COL6A6: variants seen among roughly 807,000 people sequenced by gnomAD.
COL6A6 encodes collagen type VI alpha 6 chain.
Under a neutral mutation model 208.6 loss-of-function variants are expected in COL6A6, and 183 were observed. The observed-to-expected ratio is 0.88, with a 90% CI of 0.78 to 0.99. COL6A6 has a LOEUF of 0.99. Among genes scored for constraint, COL6A6 ranks in the 50% least tolerant of loss-of-function variants. The pLI is 0.00. For missense variants in COL6A6, 2,816 were observed against 2,815.2 expected, an observed-to-expected ratio of 1.00 and a Z score of -0.01; for synonymous variants, 973 against 1,011.8, an observed-to-expected ratio of 0.96 and a Z score of 0.73.
intron 10 of COL6A6, among the ~76,000 whole-genome samples, chr3:130,582,974 GCTGCAACA>G (rs1045974859): frequency 3.3e-5 from 5 of 152,274 alleles, no homozygotes; most frequent in African/African-American, 1.2e-4. Context: ...CTAGACTCCA[GCTGCAACA>G]CTGTCTTCTT....
chr3:130,566,992 C>T lies in COL6A6; in HGVS notation c.1573C>T (p.Leu525=), dbSNP rs1281822935. 3.1e-6 allele frequency: 5 copies of T among 1,614,056 alleles called. No individual in the cohort carries two copies. The highest frequency in any genetic ancestry group is 4.2e-6 in the Non-Finnish European group (5 of 1,179,898). The change falls in exon 5 of 37, where the codon CTG becomes TTG. Residue 525 remains leucine (L), a synonymous_variant. Coordinates refer to ENST00000358511, the MANE Select transcript of COL6A6 (RefSeq NM_001102608.3). The part of the protein sequence containing the change: ...TGAALNFTLS[L]LQKAKKQRGN... ...CGCAGCACTGAATTTCACACTGAGT[C>T]TGTTGCAAAAAGCAAAGAAGCAGCG...
intron 1 of COL6A6, among the ~76,000 whole-genome samples, chr3:130,535,962 GA>G (rs994450574): frequency 6.6e-6 from 1 of 152,162 alleles, no homozygotes; most frequent in African/African-American, 2.4e-5. Context: ...GGAAAGTGGA[GA>G]AAATAATAGA....
intron 1 of COL6A6, among the ~76,000 whole-genome samples, chr3:130,541,586 A>G (rs1193109760): frequency 6.6e-6 from 1 of 152,200 alleles, no homozygotes; most frequent in African/African-American, 2.4e-5. Flanking sequence ...ATCAGAGTTC[A>G]TATTGTTCAA....
In COL6A6 at chr3:130,549,422, T is replaced by C. The variant is rs183341589; in HGVS notation, c.-31-10912T>C. On this transcript the variant is annotated intron_variant, in intron 1 of 36. Coordinates refer to ENST00000358511, the MANE Select transcript of COL6A6 (RefSeq NM_001102608.3). ...GGTCTCATTTGTCAATTTTTGGTTT[T>C]GTTGCAATTGCTTTTCATGTCTTTG... Among the ~76,000 whole-genome samples, 421 of 152,354 alleles carry C rather than the reference T, an allele frequency of 2.8e-3. 2 individuals carry two copies. The highest frequency in any genetic ancestry group is 4.1e-3 in the Non-Finnish European group (276 of 68,030).
intron 32 of COL6A6, 49 bp downstream of exon 32, chr3:130,645,051 A>G (rs1442471727): frequency 6.4e-7 from 1 of 1,569,938 alleles, no homozygotes; most frequent in East Asian, 2.2e-5. Context: ...CTAAAATGTC[A>G]TACATCTGGA....
chr3:130,563,758 C>A, intron 3 of COL6A6, 94 bp downstream of exon 3: 1 of 810,798 alleles, frequency 1.2e-6, no homozygotes, highest in East Asian at 2.6e-5. Context: ...ATTCCTATCC[C>A]CAAAATGGGC....
chr3:130,538,961 GTTAAA>G (rs2062289552), intron 1 of COL6A6, among the ~76,000 whole-genome samples: 1 of 152,208 alleles, frequency 6.6e-6, no homozygotes, highest in South Asian at 2.1e-4. Flanking sequence ...ACAATAGTAA[GTTAAA>G]TTATTACTGA....
rs151261042 is a variant in COL6A6, at chr3:130,544,032, C to A, written c.-31-16302C>A. On this transcript the variant is annotated intron_variant, in intron 1 of 36. Coordinates refer to ENST00000358511, the MANE Select transcript of COL6A6 (RefSeq NM_001102608.3). The stretch of plus-strand genomic sequence containing the variant: ...ACACAGTGGCAGGAGTGTCTAAAAT[C>A]TCTTAGTGAAACTTGTGACTACAAT... Among the ~76,000 whole-genome samples the A allele has an allele frequency of 1.7e-3, 254 of 152,184 alleles. 3 individuals carry two copies. The East Asian group carries it at 0.033, about 20-fold the overall frequency.
At chr3:130,519,219 G>A (rs1218875475) in intron 1 of COL6A6, among the ~76,000 whole-genome samples, 1 of 152,028 alleles carries the variant, frequency 6.6e-6, no homozygotes, top group Admixed American at 6.5e-5. Flanking sequence ...ATAAAAATTG[G>A]TGCCTTATTT....
intron 33 of COL6A6, among the ~76,000 whole-genome samples, chr3:130,656,185 G>C (rs1000130027): frequency 2.6e-5 from 4 of 152,230 alleles, no homozygotes; most frequent in Non-Finnish European, 4.4e-5. Context: ...CCACAACGTG[G>C]TGAAAAAGGA....
At chr3:130,623,839 C>G (rs191777572) in intron 24 of COL6A6, among the ~76,000 whole-genome samples, 1 of 151,858 alleles carries the variant, frequency 6.6e-6, no homozygotes. Context: ...GGAAACAAGA[C>G]AATGAATTAT....
intron 31 of COL6A6, 55 bp downstream of exon 31, chr3:130,643,078 G>A: frequency 3.8e-6 from 6 of 1,576,578 alleles, no homozygotes; most frequent in Admixed American, 1.7e-5. Context: ...TACAAGAAAA[G>A]CAGAGAAACC....
chr3:130,587,024 C>T (rs139802501), intron 11 of COL6A6, among the ~76,000 whole-genome samples: 69 of 152,256 alleles, frequency 4.5e-4, no homozygotes, highest in African/African-American at 1.5e-3. Context: ...GTTTTCACAC[C>T]GCTTGCAGAT....
chr3:130,574,119 C>T lies in COL6A6; in HGVS notation c.3141C>T (p.Thr1047=). The change falls in exon 8 of 37, where the codon ACC becomes ACT. Residue 1047 remains threonine, a synonymous_variant. Coordinates refer to ENST00000358511, the MANE Select transcript of COL6A6 (RefSeq NM_001102608.3). ...TAGGAGCGGCCCAGTTTAGCGATAC[C>T]TATCACCCGGAGTTTCCACTGGGAA... The part of the protein sequence containing the change: ...VRIGAAQFSD[T]YHPEFPLGTF... The T allele has an allele frequency of 2.5e-6, 4 of 1,613,988 alleles. No homozygotes were observed. In the South Asian group the frequency reaches 4.4e-5, roughly 18 times the overall value.
At chr3:130,674,521 T>C (rs571167666) in intron 36 of COL6A6, among the ~76,000 whole-genome samples, 197 of 152,334 alleles carry the variant, frequency 1.3e-3, no homozygotes, top group African/African-American at 4.6e-3. Context: ...TCTATTTCTA[T>C]GTCCCCCATT....
At chr3:130,522,897 G>T (rs9865340) in intron 1 of COL6A6, among the ~76,000 whole-genome samples, 1 of 150,366 alleles carries the variant, frequency 6.7e-6, no homozygotes, top group Non-Finnish European at 1.5e-5. Flanking sequence ...ACTCAACACC[G>T]GCCTCCTAGT....
chr3:130,659,852 A>T (rs1559797532), intron 34 of COL6A6, among the ~76,000 whole-genome samples: 1 of 152,192 alleles, frequency 6.6e-6, no homozygotes, highest in Non-Finnish European at 1.5e-5. Context: ...TCTGAGGGAG[A>T]AGTAGGGTTT....
intron 8 of COL6A6, among the ~76,000 whole-genome samples, chr3:130,580,959 G>C (rs2063403912): frequency 6.6e-6 from 1 of 151,734 alleles, no homozygotes; most frequent in Non-Finnish European, 1.5e-5. Flanking sequence ...TCATTTGTCA[G>C]ACTTACACCA....
chr3:130,591,168 A>AGG lies in COL6A6; in HGVS notation c.4272+78_4272+79dup, dbSNP rs1221984561. The AGG allele has an allele frequency of 4.7e-6, 5 of 1,053,188 alleles. No individual in the cohort carries two copies. In the East Asian group the frequency reaches 1.3e-4, roughly 27 times the overall value. 65.2% of individuals were successfully genotyped at this position (1,053,188 alleles called of 1,614,324 possible). A position where few individuals can be genotyped will look rare whatever the true frequency, so the allele number is the denominator to read the frequency against. On this transcript the variant is annotated intron_variant, in intron 13 of 36. Transcript: ENST00000358511. Reference sequence around the variant, plus strand: ...AATATGAATTTCCTTGAGTCAATTCAGGGGGAAGCAAGAAAGGTGAGATTC... The same window carrying AGG: ...AATATGAATTTCCTTGAGTCAATTCAGGGGGGGAAGCAAGAAAGGTGAGATTC...
Sources: allele counts gnomAD v4.1 joint callset (sites outside exome capture counted in the v4.1 genomes callset), GRCh38; gene constraint gnomAD v4.1.1; transcripts MANE v1.5; gene names NCBI Gene and HGNC (gene_info 2026-07-23, HGNC 2026-07-21).